Variants in CHD9 observed in about 807,000 individuals in gnomAD.
The protein encoded by CHD9 is ATP-dependent chromatin remodeler CHD9.
In CHD9, 77 loss-of-function variants were observed where a neutral mutation model predicts 316.1. That is an observed-to-expected ratio of 0.24 (90% CI 0.20 to 0.29). CHD9 has a LOEUF of 0.29. Among genes scored for constraint, CHD9 ranks in the 10% least tolerant of loss-of-function variants. The pLI, the probability that CHD9 is intolerant of heterozygous loss-of-function variation, is 1.00. For missense variants in CHD9, 2,763 were observed against 3,438.1 expected, an observed-to-expected ratio of 0.80 and a Z score of 4.91; for synonymous variants, 1,129 against 1,158.3, an observed-to-expected ratio of 0.97 and a Z score of 0.51.
At chr16:53,123,385 A>C (rs1046648429) in intron 1 of CHD9, among the ~76,000 whole-genome samples, 1 of 151,936 alleles carries the variant, frequency 6.6e-6, no homozygotes, top group Non-Finnish European at 1.5e-5. Context: ...CTAGGCAACC[A>C]CTAATCTACT....
At chr16:53,086,998 A>G (rs2035519436) in intron 1 of CHD9, among the ~76,000 whole-genome samples, 1 of 152,080 alleles carries the variant, frequency 6.6e-6, no homozygotes, top group African/African-American at 2.4e-5. Context: ...TATCCCCACC[A>G]TGCACCTGGT....
chr16:53,217,789 A>G (rs2046887256), intron 3 of CHD9, among the ~76,000 whole-genome samples: 1 of 152,070 alleles, frequency 6.6e-6, no homozygotes, highest in Non-Finnish European at 1.5e-5. Flanking sequence ...ATAATATTTT[A>G]GAAATAGGGT....
chr16:53,195,221 A>G (rs1195791802), intron 2 of CHD9, among the ~76,000 whole-genome samples: 1 of 152,228 alleles, frequency 6.6e-6, no homozygotes, highest in South Asian at 2.1e-4. Context: ...AAAGCTTGCT[A>G]CTAGTCACTA....
chr16:53,060,514 T>C lies in CHD9; in HGVS notation c.-165+5437T>C, dbSNP rs56318473. ...GGCTCACACCTGTAATTCCAGAACT[T>C]TGGGGGGCTGAGGTGGGAGGATTAC... On this transcript the variant is annotated intron_variant, in intron 1 of 38. Transcript: ENST00000447540. Among the ~76,000 whole-genome samples, 947 of 151,892 alleles carry C rather than the reference T, an allele frequency of 6.2e-3. 15 individuals are homozygous for C. The highest frequency in any genetic ancestry group is 0.022 in the African/African-American group (897 of 41,430).
chr16:53,109,673 G>GTTTTTTTTT (rs1472499524), intron 1 of CHD9, among the ~76,000 whole-genome samples: 1 of 82,976 alleles, frequency 1.2e-5, no homozygotes, highest in African/African-American at 4.9e-5. Flanking sequence ...TGGATTCCCA[G>GTTTTTTTTT]TTTCTTTTTT....
At chr16:53,070,489 T>TTCCTTCCTTCCTTCC (rs1567306287) in intron 1 of CHD9, among the ~76,000 whole-genome samples, 32 of 144,872 alleles carry the variant, frequency 2.2e-4, no homozygotes, top group African/African-American at 8.2e-4. Context: ...TCTTTCTTTC[T>TTCCTTCCTTCCTTCC]TTCCTTCCTT....
At chr16:53,210,940 G>T (rs542270891) in intron 3 of CHD9, among the ~76,000 whole-genome samples, 1 of 151,992 alleles carries the variant, frequency 6.6e-6, no homozygotes, top group Non-Finnish European at 1.5e-5. Context: ...AATGAAATTT[G>T]AAAGATTTCT....
chr16:53,197,646 C>T (rs1251054310), intron 2 of CHD9, among the ~76,000 whole-genome samples: 1 of 149,674 alleles, frequency 6.7e-6, no homozygotes. Flanking sequence ...CATTCTGCTA[C>T]GTGAATATTC....
chr16:53,321,390 T>C, intron 37 of CHD9, 136 bp from the exon 38 acceptor site: 1 of 1,391,116 alleles, frequency 7.2e-7, no homozygotes, highest in Non-Finnish European at 9.3e-7. Context: ...CTTTTTAATA[T>C]AATCATAAAG....
intron 1 of CHD9, among the ~76,000 whole-genome samples, chr16:53,152,118 G>T (rs62048015): frequency 0.48 from 73,466 of 151,898 alleles, 18,448 homozygotes; most frequent in African/African-American, 0.59. Flanking sequence ...GCATTTGCTC[G>T]TCTTGATTGT....
At chr16:53,310,482 T>C (rs979251155) in intron 34 of CHD9, among the ~76,000 whole-genome samples, 1 of 152,212 alleles carries the variant, frequency 6.6e-6, no homozygotes, top group African/African-American at 2.4e-5. Context: ...ATTTTATTGC[T>C]GTTGCAGCTG....
intron 1 of CHD9, among the ~76,000 whole-genome samples, chr16:53,067,688 A>G (rs76577280): frequency 0.012 from 1,754 of 152,262 alleles, 33 homozygotes; most frequent in African/African-American, 0.04. Flanking sequence ...GTAAAGTGCC[A>G]TCTTTATCAC....
intron 10 of CHD9, among the ~76,000 whole-genome samples, chr16:53,233,524 A>G (rs2048356941): frequency 6.6e-6 from 1 of 152,096 alleles, no homozygotes; most frequent in Non-Finnish European, 1.5e-5. Flanking sequence ...TTGGGTTTTT[A>G]TGGAGTCTTC....
intron 2 of CHD9, among the ~76,000 whole-genome samples, chr16:53,205,398 G>C (rs1230091011): frequency 6.6e-6 from 1 of 152,098 alleles, no homozygotes; most frequent in Non-Finnish European, 1.5e-5. Context: ...TAAAGCAGGA[G>C]CTGTGGGGAC....
At position 53,235,225 on chromosome 16, in the gene CHD9, C is replaced by T. The variant is rs1474696859; in HGVS notation, c.2552C>T (p.Ser851Phe). The change falls in exon 11 of 39, where the codon TCC becomes TTC. Residue 851 changes from serine (S) to phenylalanine (F), a missense_variant. Ser to Phe is a radical substitution (Grantham distance 155). Coordinates refer to ENST00000447540, the MANE Select transcript of CHD9 (RefSeq NM_001308319.2). Reference protein sequence around the residue: ...PSNIWKKIDQSRDYKNGNQLR... With the variant: ...PSNIWKKIDQFRDYKNGNQLR... Reference sequence around the variant, plus strand: ...AATATTTGGAAGAAAATAGATCAATCCAGGGACTATAAAAATGGCAATCAA... The same window carrying T: ...AATATTTGGAAGAAAATAGATCAATTCAGGGACTATAAAAATGGCAATCAA... 7.1e-6 allele frequency: 11 copies of T among 1,551,808 alleles called. No individual in the cohort carries two copies. Among genetic ancestry groups the T allele is most frequent in the Non-Finnish European group, 8.7e-6 (10 of 1,145,192 alleles).
At chr16:53,320,426 G>A (rs1002643019) in intron 37 of CHD9, among the ~76,000 whole-genome samples, 18 of 152,092 alleles carry the variant, frequency 1.2e-4, no homozygotes, top group African/African-American at 4.3e-4. Context: ...GGAGGCTGAG[G>A]CAGGAGAATC....
chr16:53,304,550 ACCTCTTCCTCCT>A lies in CHD9; in HGVS notation c.6549_6560del (p.Ser2190_Ser2193del), dbSNP rs1215816877. 1.3e-6 allele frequency: 2 copies of A among 1,543,272 alleles called. No individual in the cohort carries two copies. The highest frequency in any genetic ancestry group is 1.8e-6 in the Non-Finnish European group (2 of 1,140,026). On this transcript the variant is annotated inframe_deletion, in exon 31 of 39. Coordinates refer to ENST00000447540, the MANE Select transcript of CHD9 (RefSeq NM_001308319.2). ...AGCATCTTCTTCATCCTCTTCCTCCACCTCTTCCTCCTCCTCCTCCTCTTCATCTTCATCAGA... is the reference window on the plus strand; with the variant it reads ...AGCATCTTCTTCATCCTCTTCCTCCACCTCCTCCTCTTCATCTTCATCAGA...
chr16:53,278,961 A>G (rs1158615067), intron 24 of CHD9, among the ~76,000 whole-genome samples: 3 of 152,190 alleles, frequency 2.0e-5, no homozygotes, highest in Non-Finnish European at 4.4e-5. Flanking sequence ...CGATTCCTCA[A>G]GGATCTAGAA....
At chr16:53,098,795 GC>G (rs2036593366) in intron 1 of CHD9, among the ~76,000 whole-genome samples, 1 of 152,156 alleles carries the variant, frequency 6.6e-6, no homozygotes, top group East Asian at 1.9e-4. Context: ...TGTGTAACAA[GC>G]CCTTAACCCC....
Sources: gnomAD v4.1 joint callset for allele counts (sites outside exome capture counted in the v4.1 genomes callset) on GRCh38, gnomAD v4.1.1 for gene constraint, MANE v1.5 for transcripts, NCBI Gene and HGNC (gene_info 2026-07-23, HGNC 2026-07-21) for gene names.